The following KSR2 variants were observed in gnomAD, a reference collection of about 807,000 sequenced individuals.
The protein encoded by KSR2 is kinase suppressor of ras 2.
In KSR2, 25 loss-of-function variants were observed where a neutral mutation model predicts 107.8. The ratio of observed to expected loss-of-function variants is 0.23; its 90% confidence interval spans 0.17 to 0.32. KSR2 has a LOEUF of 0.32. KSR2 is among the 10% of genes least tolerant of loss of function. The probability of loss-of-function intolerance (pLI) is 1.00; values close to 1 mark genes in which losing one functional copy is unlikely to be tolerated. For synonymous variants in KSR2, 480 were observed against 507.0 expected, an observed-to-expected ratio of 0.95 and a Z score of 0.71; for missense variants, 887 against 1,268.9, an observed-to-expected ratio of 0.70 and a Z score of 4.57.
At chr12:117,839,886 G>T (rs1892391780) in intron 3 of KSR2, among the ~76,000 whole-genome samples, 1 of 152,166 alleles carries the variant, frequency 6.6e-6, no homozygotes. Flanking sequence ...CAGTACAGAT[G>T]AAAGTAAGCA....
At chr12:117,731,321 C>CATGCGGGAGGGAGGTG (rs1565984108) in intron 4 of KSR2, among the ~76,000 whole-genome samples, 3 of 150,028 alleles carry the variant, frequency 2.0e-5, no homozygotes, top group Non-Finnish European at 3.0e-5. Flanking sequence ...GCAGCCGCCC[C>CATGCGGGAGGGAGGTG]GTCTGAGAAG....
At position 117,631,774 on chromosome 12, in the gene KSR2, A is replaced by C. The variant is rs185089004; in HGVS notation, c.1171+35700T>G. On this transcript the variant is annotated intron_variant, in intron 5 of 19. Transcript: ENST00000339824. The stretch of plus-strand genomic sequence containing the variant: ...AGGGATAATTACCATTATTTATCAA[A>C]TGAAATAATACACAAAAAGTACTTT... 2.3e-3 allele frequency among the ~76,000 whole-genome samples: 350 copies of C among 152,346 alleles called. 2 individuals carry two copies. Among genetic ancestry groups the C allele is most frequent in the African/African-American group, 8.0e-3 (333 of 41,582 alleles).
Position 117,485,575 on chromosome 12 carries a change from G to C in KSR2, c.2316+20C>G. On this transcript the variant is annotated intron_variant, in intron 15 of 19. Coordinates refer to ENST00000339824, the MANE Select transcript of KSR2 (RefSeq NM_173598.6). ...GGGTCTTTCTGAGATTTAGATAGGA[G>C]GCCCAAGAGCCGACAGTACCTTCAC... 1 of 1,594,496 alleles carries C rather than the reference G, an allele frequency of 6.3e-7. No individual in the cohort carries two copies. Among genetic ancestry groups the C allele is most frequent in the South Asian group, 1.1e-5 (1 of 90,626 alleles).
intron 1 of KSR2, among the ~76,000 whole-genome samples, chr12:117,923,685 G>C (rs2137468428): frequency 6.6e-6 from 1 of 152,016 alleles, no homozygotes; most frequent in South Asian, 2.1e-4. Flanking sequence ...GTGTGTGTGT[G>C]TATGTATATG....
intron 14 of KSR2, among the ~76,000 whole-genome samples, chr12:117,491,372 G>C (rs982632902): frequency 3.9e-5 from 6 of 152,022 alleles, no homozygotes; most frequent in African/African-American, 1.5e-4. Flanking sequence ...TAGAGATGGG[G>C]TTTCACCATG....
At chr12:117,896,758 C>G (rs911317176) in intron 1 of KSR2, among the ~76,000 whole-genome samples, 2 of 152,158 alleles carry the variant, frequency 1.3e-5, no homozygotes, top group Admixed American at 6.5e-5. Context: ...CCACACCTGG[C>G]CTGCACAACC....
intron 4 of KSR2, among the ~76,000 whole-genome samples, chr12:117,680,668 T>G (rs1309072460): frequency 6.6e-6 from 1 of 152,178 alleles, no homozygotes. Flanking sequence ...ACTGGTCGAT[T>G]AAATTATGGT....
chr12:117,632,218 C>CTTTTTTTTTTTTTTTTTTTTTTTTTTTT lies in KSR2; in HGVS notation c.1171+35255_1171+35256insAAAAAAAAAAAAAAAAAAAAAAAAAAAA. ...AATGCTTATGGCTCTAGTCCTACTC[C>CTTTTTTTTTTTTTTTTTTTTTTTTTTTT]TTTTTTTTTTTTTTTTTTTTTTTTG... On this transcript the variant is annotated intron_variant, in intron 5 of 19. Coordinates refer to ENST00000339824, the MANE Select transcript of KSR2 (RefSeq NM_173598.6). Among the ~76,000 whole-genome samples, 4 of 84,028 alleles carry CTTTTTTTTTTTTTTTTTTTTTTTTTTTT rather than the reference C, an allele frequency of 4.8e-5. 1 individual carries two copies. The highest frequency in any genetic ancestry group is 8.5e-5 in the Non-Finnish European group (4 of 47,054). 55.1% of individuals were successfully genotyped at this position (84,028 alleles called of 152,430 possible).
At chr12:117,570,789 A>G (rs1462704954) in intron 7 of KSR2, among the ~76,000 whole-genome samples, 2 of 152,250 alleles carry the variant, frequency 1.3e-5, no homozygotes. Flanking sequence ...AGAGAGGTTT[A>G]GAAACCTTCC....
chr12:117,737,854 C>CTGA (rs10673372), intron 4 of KSR2, among the ~76,000 whole-genome samples: 42,097 of 149,796 alleles, frequency 0.28, 6,060 homozygotes, highest in East Asian at 0.45. Flanking sequence ...TCTGATGAAT[C>CTGA]ATCCAATGTG....
chr12:117,896,485 G>C (rs1182974312), intron 1 of KSR2, among the ~76,000 whole-genome samples: 1 of 147,342 alleles, frequency 6.8e-6, no homozygotes, highest in African/African-American at 2.5e-5. Flanking sequence ...TTGAGACGGA[G>C]TTTTGCTATT....
intron 3 of KSR2, among the ~76,000 whole-genome samples, chr12:117,837,606 C>T (rs1892277984): frequency 6.6e-6 from 1 of 152,128 alleles, no homozygotes; most frequent in Non-Finnish European, 1.5e-5. Flanking sequence ...CTCCACCCTA[C>T]GTGATCATGA....
chr12:117,492,823 G>T (rs12306412), intron 14 of KSR2, among the ~76,000 whole-genome samples: 1 of 151,926 alleles, frequency 6.6e-6, no homozygotes, highest in Non-Finnish European at 1.5e-5. Flanking sequence ...TGGGGGAGAA[G>T]GACTCAACCC....
chr12:117,922,784 C>T (rs1199869540), intron 1 of KSR2, among the ~76,000 whole-genome samples: 1 of 152,188 alleles, frequency 6.6e-6, no homozygotes, highest in Non-Finnish European at 1.5e-5. Context: ...CCTCATGGAG[C>T]TCACAATTGA....
At chr12:117,491,356 T>G (rs1710745086) in intron 14 of KSR2, among the ~76,000 whole-genome samples, 1 of 152,074 alleles carries the variant, frequency 6.6e-6, no homozygotes, top group South Asian at 2.1e-4. Context: ...ATTTTTATAT[T>G]TTTAGTAGAG....
At chr12:117,914,352 C>A (rs558240320) in intron 1 of KSR2, among the ~76,000 whole-genome samples, 1 of 151,618 alleles carries the variant, frequency 6.6e-6, no homozygotes, top group African/African-American at 2.4e-5. Flanking sequence ...TCGCTCGAAC[C>A]CAGGAGGTGG....
chr12:117,523,344 G>A (rs1039403073), intron 14 of KSR2, among the ~76,000 whole-genome samples: 1 of 152,164 alleles, frequency 6.6e-6, no homozygotes, highest in African/African-American at 2.4e-5. Context: ...GTAGAGCAAG[G>A]AGAGAGCTCC....
Position 117,539,728 on chromosome 12 carries a change from T to A in KSR2, c.1678A>T (p.Asn560Tyr). 6.3e-7 allele frequency: 1 copy of A among 1,598,258 alleles called. No homozygotes were observed. Among genetic ancestry groups the A allele is most frequent in the Non-Finnish European group, 8.5e-7 (1 of 1,173,490 alleles). Residue 560 changes from asparagine (N) to tyrosine (Y), a missense_variant, in exon 10 of 20, where the codon AAC becomes TAC. Asn to Tyr is a moderately radical substitution (Grantham distance 143). Around this residue, in one of 8 missense-constraint regions of KSR2, gnomAD observed 50 missense variants for 43.4 expected, o/e 1.15. Transcript: ENST00000339824. ...CCAAGCATGGAGGTACCTGGCAGGT[T>A]GAAGTTCTTCTGCTGCCGTGTGCAC... ...PQCTRQQKNF[N>Y]LPASHYYKYK...
At chr12:117,814,361 T>A (rs1035860483) in intron 3 of KSR2, among the ~76,000 whole-genome samples, 8 of 152,046 alleles carry the variant, frequency 5.3e-5, no homozygotes, top group Admixed American at 3.3e-4. Context: ...CAAAATCCCA[T>A]AAATATCTAC....
Sources: gnomAD v4.1 joint callset for allele counts (sites outside exome capture counted in the v4.1 genomes callset) on GRCh38, gnomAD v4.1.1 for gene constraint, gnomAD v4.1.1 regional missense constraint, MANE v1.5 for transcripts, NCBI Gene and HGNC (gene_info 2026-07-23, HGNC 2026-07-21) for gene names.